Variants in BAHCC1 observed in about 807,000 individuals in gnomAD.
BAHCC1 encodes BAH domain and coiled-coil containing 1.
In BAHCC1, 43 loss-of-function variants were observed where a neutral mutation model predicts 88.2. That is an observed-to-expected ratio of 0.49 (90% CI 0.38 to 0.63). BAHCC1 has a LOEUF of 0.63. Ranked by LOEUF, BAHCC1 falls within the 20% of genes least tolerant of loss-of-function variation. The probability of loss-of-function intolerance (pLI) is 0.00; values close to 1 mark genes in which losing one functional copy is unlikely to be tolerated. For missense variants in BAHCC1, 3,023 were observed against 1,654.8 expected, an observed-to-expected ratio of 1.83 and a Z score of -14.34; for synonymous variants, 1,510 against 745.5, an observed-to-expected ratio of 2.03 and a Z score of -16.71.
chr17:81,399,250 G>T lies in BAHCC1; in HGVS notation c.-206-284G>T, dbSNP rs1555645477. ...CGCCCTAGCTGCAGGGACCCGCGGG[G>T]ACGAGAACGGGAGGCGGCGAGCAGT... On this transcript the variant is annotated intron_variant, in intron 1 of 27. Coordinates refer to ENST00000675386, the MANE Select transcript of BAHCC1 (RefSeq NM_001377448.1). This position sits in a 1 kb window ranked among gnomAD's most constrained non-coding sequence, Gnocchi z 4.5. 1 of 403,256 alleles carries T rather than the reference G, an allele frequency of 2.5e-6. No individual in the cohort carries two copies. Among genetic ancestry groups the T allele is most frequent in the Admixed American group, 2.7e-5 (1 of 36,934 alleles). The allele number at this position is 403,256 out of a possible 1,614,324, so 25.0% of individuals were successfully genotyped here.
rs374129984 is a variant in BAHCC1 at position 81,456,465 on chromosome 17, T to A, written c.4738T>A (p.Ser1580Thr). The A allele has an allele frequency of 3.0e-4, 215 of 721,492 alleles. No individual in the cohort carries two copies. The highest frequency in any genetic ancestry group is 5.1e-4 in the Non-Finnish European group (197 of 387,708). The allele number at this position is 721,492 out of a possible 1,614,324, so 44.7% of individuals were successfully genotyped here. A position where few individuals can be genotyped will look rare whatever the true frequency, so the allele number is the denominator to read the frequency against. The change falls in exon 16 of 28, where the codon TCC becomes ACC. Residue 1580 changes from serine (S) to threonine (T), a missense_variant. Ser to Thr is a moderately conservative substitution (Grantham distance 58). Coordinates refer to ENST00000675386, the MANE Select transcript of BAHCC1 (RefSeq NM_001377448.1). ...CGGGGGGCGCATCCGGGAGAAGCTG[T>A]CCCGAGCCAAGAGTGCCAAGGTGTC... is the stretch of plus-strand genomic sequence containing the variant. The part of the protein sequence containing the change: ...TPGGRIREKL[S>T]RAKSAKVSGA...
intron 1 of BAHCC1, among the ~76,000 whole-genome samples, chr17:81,397,396 A>G (rs1423438920): frequency 1.2e-5 from 1 of 80,036 alleles, no homozygotes. Flanking sequence ...TATTGGAGAG[A>G]AAAAAAAAAA....
chr17:81,456,027 A>G, intron 15 of BAHCC1: 1 of 496,850 alleles, frequency 2.0e-6, no homozygotes, highest in Non-Finnish European at 3.5e-6. Context: ...CCCACAACCC[A>G]CAGCCACTGG....
chr17:81,445,406 C>T lies in BAHCC1; in HGVS notation c.2888C>T (p.Ala963Val), dbSNP rs782252793. 1.3e-6 allele frequency: 1 copy of T among 776,696 alleles called. No individual in the cohort carries two copies. The highest frequency in any genetic ancestry group is 2.4e-6 in the Non-Finnish European group (1 of 417,072). 48.1% of individuals were successfully genotyped at this position (776,696 alleles called of 1,614,324 possible). The stretch of plus-strand genomic sequence containing the variant: ...CTGGAGGAGCCCGCCCAGGAGAAGG[C>T]CCCAAAGTCCACCCACAAGCCAGTT... ...LDLEEPAQEKAPKSTHKPVAL... is the reference protein window; with the variant it reads ...LDLEEPAQEKVPKSTHKPVAL... The change falls in exon 10 of 28, where the codon GCC (alanine) becomes GTC (valine). Residue 963 changes from alanine (A) to valine (V), a missense_variant. Ala to Val is a moderately conservative substitution (Grantham distance 64). Transcript: ENST00000675386.
At chr17:81,426,170 A>G (rs1935511656) in intron 2 of BAHCC1, among the ~76,000 whole-genome samples, 5 of 102,930 alleles carry the variant, frequency 4.9e-5, no homozygotes, top group African/African-American at 1.1e-4. Context: ...TGGGGGTGAT[A>G]GTGGTGGGTA....
chr17:81,423,078 AC>A (rs1325100345), intron 2 of BAHCC1, among the ~76,000 whole-genome samples: 2 of 150,680 alleles, frequency 1.3e-5, no homozygotes, highest in African/African-American at 4.9e-5. Context: ...GGGCACCTTC[AC>A]CCCCTGCCCT....
At chr17:81,437,435 G>A (rs1387316117) in intron 3 of BAHCC1, among the ~76,000 whole-genome samples, 6 of 152,232 alleles carry the variant, frequency 3.9e-5, no homozygotes, top group Admixed American at 2.0e-4. Context: ...TGTGGCTGGT[G>A]TCCCTGGTGT....
At chr17:81,437,359 G>A (rs2064350820) in intron 3 of BAHCC1, among the ~76,000 whole-genome samples, 1 of 152,016 alleles carries the variant, frequency 6.6e-6, no homozygotes, top group African/African-American at 2.4e-5. Flanking sequence ...GGGGCTGGGC[G>A]GGTCTGAGTC....
chr17:81,431,508 G>A (rs1431460350), intron 3 of BAHCC1, among the ~76,000 whole-genome samples: 2 of 152,200 alleles, frequency 1.3e-5, no homozygotes, highest in Non-Finnish European at 2.9e-5. Flanking sequence ...GCCAGGATAG[G>A]GACATCCCAG....
At chr17:81,453,014 C>T (rs1375098710) in intron 14 of BAHCC1, among the ~76,000 whole-genome samples, 163 bp downstream of exon 14, 1 of 152,148 alleles carries the variant, frequency 6.6e-6, no homozygotes, top group Non-Finnish European at 1.5e-5. Context: ...CGAGAGTGAC[C>T]AGCAGACAGA....
rs2064303973 is a variant in BAHCC1 at position 81,434,072 on chromosome 17, G to A, written c.359-4298G>A. On this transcript the variant is annotated intron_variant, in intron 3 of 27. Coordinates refer to ENST00000675386, the MANE Select transcript of BAHCC1 (RefSeq NM_001377448.1). The surrounding 1 kb of genome is among the most constrained non-coding windows in gnomAD (Gnocchi z 4.9). ...CACTTGCCAGGCCAGGGGTCTCCCG[G>A]GACTCCCCTGGGGTCACTGTGGGGG... Among the ~76,000 whole-genome samples the A allele has an allele frequency of 6.6e-6, 1 of 152,182 alleles. No homozygotes were observed. Among genetic ancestry groups the A allele is most frequent in the Non-Finnish European group, 1.5e-5 (1 of 68,018 alleles).
chr17:81,407,672 C>T (rs1341225784), intron 2 of BAHCC1, among the ~76,000 whole-genome samples: 2 of 152,220 alleles, frequency 1.3e-5, no homozygotes, highest in African/African-American at 2.4e-5. Context: ...GCTCTGTGGA[C>T]GTAGAGCTGT....
chr17:81,396,366 G>A (rs1311446616), intron 1 of BAHCC1: 1 of 152,172 alleles, frequency 6.6e-6, no homozygotes, highest in Non-Finnish European at 1.5e-5. Context: ...GCGCGCGTTC[G>A]GGACGGCGCG....
Position 81,461,167 on chromosome 17 carries a change from C to T in BAHCC1, c.6504C>T (p.Phe2168=), listed in dbSNP as rs782325112. Residue 2168 remains phenylalanine, a synonymous_variant, in exon 26 of 28, where the codon TTC becomes TTT. Transcript: ENST00000675386. ...FSSLASSYAP[F]VGGTGPGLPR... is the part of the protein sequence containing the mutation. ...GCCTGGCCAGCTCCTACGCGCCCTT[C>T]GTCGGGGGGACCGGGCCGGGCCTCC... is the stretch of plus-strand genomic sequence containing the variant. 50 of 755,212 alleles carry T rather than the reference C, an allele frequency of 6.6e-5. No individual in the cohort carries two copies. Among genetic ancestry groups the T allele is most frequent in the Non-Finnish European group, 8.3e-5 (34 of 411,800 alleles). The allele number at this position is 755,212 out of a possible 1,614,324, so 46.8% of individuals were successfully genotyped here.
At chr17:81,432,143 C>T (rs1298680872) in intron 3 of BAHCC1, among the ~76,000 whole-genome samples, 1 of 152,192 alleles carries the variant, frequency 6.6e-6, no homozygotes, top group South Asian at 2.1e-4. Context: ...GAGCAACTTC[C>T]CTCCCGTGTC....
intron 2 of BAHCC1, among the ~76,000 whole-genome samples, chr17:81,410,688 G>A (rs1555647709): frequency 6.6e-6 from 1 of 152,186 alleles, no homozygotes; most frequent in African/African-American, 2.4e-5. Flanking sequence ...GGCCTTCGTG[G>A]CCTTCCGGGT....
At chr17:81,424,157 T>G (rs1555649960) in intron 2 of BAHCC1, among the ~76,000 whole-genome samples, 1 of 152,192 alleles carries the variant, frequency 6.6e-6, no homozygotes. Context: ...CGCCTGAGAC[T>G]GGGGCACTCC....
intron 2 of BAHCC1, among the ~76,000 whole-genome samples, chr17:81,418,217 C>T (rs1341445474): frequency 2.6e-5 from 4 of 152,200 alleles, no homozygotes; most frequent in African/African-American, 9.6e-5. Flanking sequence ...AGCGCCGCCC[C>T]GAATCTGGAC....
At chr17:81,409,324 C>G (rs896770635) in intron 2 of BAHCC1, among the ~76,000 whole-genome samples, 1 of 148,404 alleles carries the variant, frequency 6.7e-6, no homozygotes, top group Admixed American at 6.8e-5. Context: ...TAGCGCCACA[C>G]GAGGTGGTGG....
Sources: gnomAD v4.1 joint callset for allele counts (sites outside exome capture counted in the v4.1 genomes callset) on GRCh38, gnomAD v4.1.1 for gene constraint, Gnocchi (gnomAD v3.1) non-coding constraint, MANE v1.5 for transcripts, NCBI Gene and HGNC (gene_info 2026-07-23, HGNC 2026-07-21) for gene names.